The following NEMP2 variants were observed in gnomAD, a reference collection of about 807,000 sequenced individuals.
The protein encoded by NEMP2 is nuclear envelope integral membrane protein 2, also known as UPF0571 transmembrane protein.
NEMP2 carries 53 observed loss-of-function variants against 54.2 expected under a neutral mutation model. That is an observed-to-expected ratio of 0.98 (90% confidence interval 0.78 to 1.23). The LOEUF (loss-of-function observed/expected upper bound fraction) is 1.23, where lower values mean the gene tolerates loss of function less well. Among genes scored for constraint, NEMP2 ranks in the 50% most tolerant of loss-of-function variants. The probability of loss-of-function intolerance (pLI) is 0.00; values close to 1 mark genes in which losing one functional copy is unlikely to be tolerated. For missense variants in NEMP2, 455 were observed against 511.3 expected (o/e 0.89, Z 1.06); for synonymous variants, 197 against 190.3 (o/e 1.04, Z -0.29).
At chr2:190,480,331 A>G in the NEMP2 span, among the ~76,000 whole-genome samples, 1 of 152,262 alleles carries the variant, frequency 6.6e-6, no homozygotes, top group African/African-American at 2.4e-5. Context: ...AAGATACACT[A>G]TTAATGCTTG....
At chr2:190,548,242 A>C in the NEMP2 span, among the ~76,000 whole-genome samples, 1 of 152,218 alleles carries the variant, frequency 6.6e-6, no homozygotes, top group African/African-American at 2.4e-5. Context: ...TTTTCACTTA[A>C]AGATAATTTG....
upstream of NEMP2, among the ~76,000 whole-genome samples, chr2:190,538,791 A>C (rs576727312): frequency 7.9e-5 from 12 of 152,198 alleles, no homozygotes; most frequent in Admixed American, 2.0e-4. This position sits in a 1 kb window ranked among gnomAD's most constrained non-coding sequence, Gnocchi z 4.1. Context: ...TCTTTTGCTT[A>C]TTTTAAAATT....
chr2:190,545,133 AG>A, the NEMP2 span, among the ~76,000 whole-genome samples: 1 of 73,304 alleles, frequency 1.4e-5, no homozygotes, highest in Admixed American at 1.8e-4. Context: ...CAAAAAAGTA[AG>A]AAAAAAAAAG....
chr2:190,552,443 T>G, the NEMP2 span, among the ~76,000 whole-genome samples: 25,401 of 152,174 alleles, frequency 0.17, 2,293 homozygotes, highest in Middle Eastern at 0.22. Context: ...AAAAATATTC[T>G]CTTCTTTGGC....
the NEMP2 span, among the ~76,000 whole-genome samples, chr2:190,563,675 T>G: frequency 3.9e-5 from 6 of 152,238 alleles, no homozygotes; most frequent in Non-Finnish European, 4.4e-5. This position sits in a 1 kb window ranked among gnomAD's most constrained non-coding sequence, Gnocchi z 4.3. Flanking sequence ...AATTGAAATA[T>G]TTCACTCACA....
At chr2:190,621,491 C>T in the NEMP2 span, among the ~76,000 whole-genome samples, 2 of 152,064 alleles carry the variant, frequency 1.3e-5, no homozygotes, top group African/African-American at 4.8e-5. Context: ...TGGAAGACAT[C>T]CTATGTTCAT....
chr2:190,641,357 T>A, the NEMP2 span: 2 of 152,250 alleles, frequency 1.3e-5, no homozygotes, highest in Admixed American at 1.3e-4. Flanking sequence ...GCCAACATCT[T>A]GGCTGACAAG....
chr2:190,537,835 G>C (rs1559174606), upstream of NEMP2, among the ~76,000 whole-genome samples: 1 of 152,172 alleles, frequency 6.6e-6, no homozygotes, highest in Non-Finnish European at 1.5e-5. Context: ...TGTCTCCAGG[G>C]CATGTCGGAG....
chr2:190,440,239 A>C, the NEMP2 span, among the ~76,000 whole-genome samples: 10 of 152,210 alleles, frequency 6.6e-5, no homozygotes, highest in African/African-American at 2.2e-4. Context: ...TAGCATGTCC[A>C]GTTTTGAACT....
At chr2:190,482,867 TC>T in the NEMP2 span, among the ~76,000 whole-genome samples, 1 of 108,440 alleles carries the variant, frequency 9.2e-6, no homozygotes, top group Non-Finnish European at 1.9e-5. Context: ...AAGACTATCA[TC>T]TTTTTTTTTT....
At position 190,510,487 on chromosome 2, in the gene NEMP2, G is replaced by GT; in HGVS notation, c.1003dup (p.Thr335AsnfsTer10). 6.4e-7 allele frequency: 1 copy of GT among 1,551,924 alleles called. No homozygotes were observed. Among genetic ancestry groups the GT allele is most frequent in the Non-Finnish European group, 8.7e-7 (1 of 1,147,050 alleles). On this transcript the variant is annotated frameshift_variant, in exon 8 of 9. Coordinates refer to ENST00000409150, the MANE Select transcript of NEMP2 (RefSeq NM_001142645.2). LOFTEE classifies it high-confidence loss of function. This position sits in a 1 kb window ranked among gnomAD's most constrained non-coding sequence, Gnocchi z 5.7. Reference sequence around the variant, plus strand: ...AGCTTGCTCCCTGTACTCGTCTTCCGTAAGATATTTCACCACCAGCTCTTT... The same window carrying GT: ...AGCTTGCTCCCTGTACTCGTCTTCCGTTAAGATATTTCACCACCAGCTCTTT...
intron 1 of NEMP2, among the ~76,000 whole-genome samples, chr2:190,526,019 ATAGT>A (rs540850270): frequency 6.6e-5 from 10 of 152,200 alleles, no homozygotes; most frequent in South Asian, 2.1e-4. Flanking sequence ...TTAACTGAAA[ATAGT>A]TCAGTAAAGA....
At chr2:190,596,425 A>T in the NEMP2 span, among the ~76,000 whole-genome samples, 2 of 152,198 alleles carry the variant, frequency 1.3e-5, no homozygotes, top group Admixed American at 1.3e-4. This position sits in a 1 kb window ranked among gnomAD's most constrained non-coding sequence, Gnocchi z 5.1. Flanking sequence ...GGTTGTATGC[A>T]CCACCACTTA....
the NEMP2 span, among the ~76,000 whole-genome samples, chr2:190,571,836 A>G: frequency 2.6e-5 from 4 of 152,126 alleles, no homozygotes; most frequent in Admixed American, 6.5e-5. Flanking sequence ...AATAGACTGT[A>G]CTAATGAGAT....
the NEMP2 span, among the ~76,000 whole-genome samples, chr2:190,458,962 A>C: frequency 6.6e-6 from 1 of 152,370 alleles, no homozygotes; most frequent in African/African-American, 2.4e-5. The surrounding 1 kb of genome is among the most constrained non-coding windows in gnomAD (Gnocchi z 5.3). Context: ...TCTGCTTAGC[A>C]GAAGGTAAAA....
At position 190,525,149 on chromosome 2, in the gene NEMP2, A is replaced by C; in HGVS notation, c.213+114T>G. ...TCCTCAAGTCAGCTTTCATAGTGAT[A>C]CACAGATCTGTGTCATACCAAAAAT... is the stretch of plus-strand genomic sequence containing the variant. On this transcript the variant is annotated intron_variant, in intron 2 of 8. Coordinates refer to ENST00000409150, the MANE Select transcript of NEMP2 (RefSeq NM_001142645.2). The surrounding 1 kb of genome is among the most constrained non-coding windows in gnomAD (Gnocchi z 5.0). The C allele has an allele frequency of 1.6e-6, 1 of 617,236 alleles. No individual in the cohort carries two copies. The highest frequency in any genetic ancestry group is 2.9e-6 in the Non-Finnish European group (1 of 349,552). The allele number at this position is 617,236 out of a possible 1,614,324, so 38.2% of individuals were successfully genotyped here. A position where few individuals can be genotyped will look rare whatever the true frequency, so the allele number is the denominator to read the frequency against.
Position 190,510,601 on chromosome 2 carries a change from G to A in NEMP2, c.954-64C>T, listed in dbSNP as rs1224038324. Reference sequence around the variant, plus strand: ...TCAATCCTTAAGATTTACAAAAATAGGCCAGGCTCGGTGGCTCACGCCTGT... The same window carrying A: ...TCAATCCTTAAGATTTACAAAAATAAGCCAGGCTCGGTGGCTCACGCCTGT... On this transcript the variant is annotated intron_variant, in intron 7 of 8. Transcript: ENST00000409150. This position sits in a 1 kb window ranked among gnomAD's most constrained non-coding sequence, Gnocchi z 5.7. 5.3e-6 allele frequency: 8 copies of A among 1,523,158 alleles called. No homozygotes were observed. Among genetic ancestry groups the A allele is most frequent in the Middle Eastern group, 1.7e-4 (1 of 5,950 alleles). The allele number at this position is 1,523,158 out of a possible 1,614,324, so 94.4% of individuals were successfully genotyped here.
chr2:190,570,750 T>C, the NEMP2 span, among the ~76,000 whole-genome samples: 51 of 152,126 alleles, frequency 3.4e-4, no homozygotes, highest in Non-Finnish European at 5.6e-4. This position sits in a 1 kb window ranked among gnomAD's most constrained non-coding sequence, Gnocchi z 5.4. Flanking sequence ...TTTAGTGGGG[T>C]AGTGCTATGT....
the NEMP2 span, among the ~76,000 whole-genome samples, chr2:190,595,000 T>C: frequency 1.3e-5 from 2 of 152,168 alleles, no homozygotes; most frequent in Non-Finnish European, 2.9e-5. This position sits in a 1 kb window ranked among gnomAD's most constrained non-coding sequence, Gnocchi z 5.6. Flanking sequence ...TTTTTAAAAA[T>C]TGGTATCATA....
Sources: gnomAD v4.1 joint callset for allele counts (sites outside exome capture counted in the v4.1 genomes callset) on GRCh38, gnomAD v4.1.1 for gene constraint, Gnocchi (gnomAD v3.1) non-coding constraint, MANE v1.5 for transcripts, NCBI Gene and HGNC (gene_info 2026-07-23, HGNC 2026-07-21) for gene names.